The following EIF5B variants were observed in gnomAD, a reference collection of about 807,000 sequenced individuals.
The protein encoded by EIF5B is eukaryotic translation initiation factor 5B, also known as eIF-5B.
In EIF5B, 47 loss-of-function variants were observed where a neutral mutation model predicts 147.5. The observed-to-expected ratio is 0.32, with a 90% confidence interval of 0.25 to 0.41. The LOEUF is 0.41. Among genes scored for constraint, EIF5B ranks in the 10% least tolerant of loss-of-function variants. The pLI is 1.00. For missense variants in EIF5B, 1,064 were observed against 1,413.2 expected (o/e 0.75, Z 3.96); for synonymous variants, 455 against 456.2 (o/e 1.00, Z 0.03).
intron 7 of EIF5B, 101 bp from the exon 8 acceptor site, chr2:99,369,291 A>G (rs1488340109): frequency 9.8e-6 from 8 of 812,956 alleles, no homozygotes; most frequent in Non-Finnish European, 1.4e-5. Flanking sequence ...TAAAAAATAA[A>G]TAGGTTTACA....
Position 99,401,165 on chromosome 2 carries a change from C to T in EIF5B, c.*1751C>T. The T allele has an allele frequency of 1.3e-6, 1 of 785,730 alleles. No individual in the cohort carries two copies. The highest frequency in any genetic ancestry group is 1.9e-5 in the South Asian group (1 of 53,410). 48.7% of individuals were successfully genotyped at this position (785,730 alleles called of 1,614,324 possible). On this transcript the variant is annotated 3_prime_UTR_variant, in exon 24 of 24. Coordinates refer to ENST00000289371, the MANE Select transcript of EIF5B (RefSeq NM_015904.4). ...AAAATTATAAAAACTCCGAGCATTA[C>T]TATCATGCACTTTGCAAATACCTCA...
chr2:99,371,305 G>A (rs1043718807), intron 8 of EIF5B, among the ~76,000 whole-genome samples: 40 of 152,110 alleles, frequency 2.6e-4, no homozygotes, highest in African/African-American at 6.5e-4. Flanking sequence ...TGGCTAACAC[G>A]GTGAAACCCC....
intron 1 of EIF5B, chr2:99,338,427 G>A: frequency 1.0e-6 from 1 of 955,166 alleles, no homozygotes; most frequent in Non-Finnish European, 1.5e-6. Context: ...TTACACGTTC[G>A]TACACTACCC....
intron 12 of EIF5B, among the ~76,000 whole-genome samples, chr2:99,381,403 C>T (rs1042080010): frequency 6.6e-5 from 10 of 152,062 alleles, no homozygotes; most frequent in South Asian, 4.1e-4. Context: ...AACCAGAATG[C>T]GGATCTGAAA....
chr2:99,351,713 T>C (rs538922122), intron 1 of EIF5B, among the ~76,000 whole-genome samples: 1 of 152,334 alleles, frequency 6.6e-6, no homozygotes, highest in East Asian at 1.9e-4. Flanking sequence ...TTTGTTTGTT[T>C]TTGAGACGAA....
chr2:99,338,842 C>T (rs939853652), intron 1 of EIF5B, among the ~76,000 whole-genome samples: 18 of 150,796 alleles, frequency 1.2e-4, no homozygotes, highest in Non-Finnish European at 2.2e-4. Context: ...GTATAATGAG[C>T]CTTTATGTAT....
In EIF5B at chr2:99,364,318, A is replaced by G. The variant is rs1391122228; in HGVS notation, c.1185A>G (p.Lys395=). ...GAGAAAGGAAAAAGCAAAAAGAAAA[A>G]GAAAGAAAAGAACGCTTGAAAAAAG... The part of the protein sequence containing the change: ...EKRERKKQKE[K]ERKERLKKEG... The change falls in exon 6 of 24, where the codon AAA becomes AAG. Residue 395 remains lysine, a synonymous_variant. Coordinates refer to ENST00000289371, the MANE Select transcript of EIF5B (RefSeq NM_015904.4). The G allele has an allele frequency of 1.2e-6, 2 of 1,607,334 alleles. No individual in the cohort carries two copies. The highest frequency in any genetic ancestry group is 2.2e-5 in the South Asian group (2 of 89,394).
intron 18 of EIF5B, among the ~76,000 whole-genome samples, chr2:99,393,404 G>A (rs560433221): frequency 1.6e-4 from 24 of 152,222 alleles, no homozygotes; most frequent in African/African-American, 5.5e-4. Context: ...TACTTGGGAG[G>A]CTGAGGCAGG....
Position 99,361,826 on chromosome 2 carries a change from T to G in EIF5B, c.919+6T>G. 1 of 1,524,976 alleles carries G rather than the reference T, an allele frequency of 6.6e-7. No homozygotes were observed. Among genetic ancestry groups the G allele is most frequent in the Non-Finnish European group, 8.7e-7 (1 of 1,147,736 alleles). 94.5% of individuals were successfully genotyped at this position (1,524,976 alleles called of 1,614,324 possible). ...GACTCCCACAGCTGCAGAAGGTTGGTTAATACTTTAGAGGAAAGAGCAAAA... is the reference window on the plus strand; with the variant it reads ...GACTCCCACAGCTGCAGAAGGTTGGGTAATACTTTAGAGGAAAGAGCAAAA... On this transcript the variant is annotated splice_donor_region_variant and intron_variant, in intron 4 of 23. Coordinates refer to ENST00000289371, the MANE Select transcript of EIF5B (RefSeq NM_015904.4).
chr2:99,390,762 T>C, intron 17 of EIF5B, 57 bp downstream of exon 17: 1 of 1,514,300 alleles, frequency 6.6e-7, no homozygotes, highest in Non-Finnish European at 8.9e-7. Context: ...TTAGAAGTTC[T>C]GCTGAGATGG....
Position 99,389,762 on chromosome 2 carries a change from G to A in EIF5B, c.2316G>A (p.Val772=), listed in dbSNP as rs1217710458. 1 of 1,613,138 alleles carries A rather than the reference G, an allele frequency of 6.2e-7. No homozygotes were observed. The highest frequency in any genetic ancestry group is 8.5e-7 in the Non-Finnish European group (1 of 1,179,774). The change falls in exon 15 of 24, where the codon GTG becomes GTA. Residue 772 remains valine, a synonymous_variant. Coordinates refer to ENST00000289371, the MANE Select transcript of EIF5B (RefSeq NM_015904.4). ...YDWKKSPDSD[V]AATLKKQKKN... is the part of the protein sequence containing the mutation. Reference sequence around the variant, plus strand: ...GGAAAAAGAGTCCTGACTCTGATGTGGCTGCTACTTTAAAGAAGCAGAAAA... The same window carrying A: ...GGAAAAAGAGTCCTGACTCTGATGTAGCTGCTACTTTAAAGAAGCAGAAAA...
At position 99,337,545 on chromosome 2, in the gene EIF5B, T is replaced by G; in HGVS notation, c.-10T>G. 1 of 1,612,672 alleles carries G rather than the reference T, an allele frequency of 6.2e-7. No individual in the cohort carries two copies. The highest frequency in any genetic ancestry group is 8.5e-7 in the Non-Finnish European group (1 of 1,179,354). On this transcript the variant is annotated 5_prime_UTR_variant, in exon 1 of 24. Transcript: ENST00000289371. ...AGAGGGGCTGGGGCCACGAGCGCCATTGACAAGCAATGGGGAAGAAACAGA... is the reference window on the plus strand; with the variant it reads ...AGAGGGGCTGGGGCCACGAGCGCCAGTGACAAGCAATGGGGAAGAAACAGA...
At chr2:99,349,528 A>G (rs1448422498) in intron 1 of EIF5B, among the ~76,000 whole-genome samples, 1 of 152,226 alleles carries the variant, frequency 6.6e-6, no homozygotes, top group Non-Finnish European at 1.5e-5. Flanking sequence ...CATTGGTCTC[A>G]AGATGAAGTA....
At chr2:99,355,727 C>T (rs1656138929) in intron 1 of EIF5B, among the ~76,000 whole-genome samples, 1 of 151,320 alleles carries the variant, frequency 6.6e-6, no homozygotes. Flanking sequence ...ATTCTCCTGC[C>T]CCAGTCTCCC....
At chr2:99,345,754 G>A (rs938894427) in intron 1 of EIF5B, among the ~76,000 whole-genome samples, 3 of 151,942 alleles carry the variant, frequency 2.0e-5, no homozygotes, top group South Asian at 2.1e-4. Flanking sequence ...AGACCAGCCC[G>A]TGCAACGTGG....
In EIF5B at chr2:99,350,114, G is replaced by A. The variant is rs143309020; in HGVS notation, c.36-10122G>A. Among the ~76,000 whole-genome samples, 134 of 152,290 alleles carry A rather than the reference G, an allele frequency of 8.8e-4. 1 individual carries two copies. Among genetic ancestry groups the A allele is most frequent in the African/African-American group, 2.6e-3 (106 of 41,560 alleles). On this transcript the variant is annotated intron_variant, in intron 1 of 23. Transcript: ENST00000289371. ...AAGTTCATATGTGTTGTCACAAAAT[G>A]ACAGGATTTCATTCTTTTTTATGGA...
At position 99,399,667 on chromosome 2, in the gene EIF5B, A is replaced by C. The variant is rs1038831143; in HGVS notation, c.*253A>C. On this transcript the variant is annotated 3_prime_UTR_variant, in exon 24 of 24. Transcript: ENST00000289371. ...CCTCTCCCTTCCCCAACCCTTCTCTACTTGGCTGCTGTTTTAAAGTTTGCC... is the reference window on the plus strand; with the variant it reads ...CCTCTCCCTTCCCCAACCCTTCTCTCCTTGGCTGCTGTTTTAAAGTTTGCC... 25 of 385,692 alleles carry C rather than the reference A, an allele frequency of 6.5e-5. No homozygotes were observed. The highest frequency in any genetic ancestry group is 6.3e-4 in the East Asian group (13 of 20,596). The allele number at this position is 385,692 out of a possible 1,614,324, so 23.9% of individuals were successfully genotyped here.
intron 1 of EIF5B, among the ~76,000 whole-genome samples, chr2:99,344,953 A>G (rs559340300): frequency 6.6e-6 from 1 of 152,290 alleles, no homozygotes; most frequent in East Asian, 1.9e-4. Context: ...GAAATTATAT[A>G]ATGTATTATA....
intron 1 of EIF5B, among the ~76,000 whole-genome samples, chr2:99,351,687 G>T (rs1470745738): frequency 3.4e-5 from 5 of 148,954 alleles, no homozygotes; most frequent in Admixed American, 6.7e-5. Flanking sequence ...ATATCATTGT[G>T]TTTTTTTTTT....
Sources: allele counts gnomAD v4.1 joint callset (sites outside exome capture counted in the v4.1 genomes callset), GRCh38; gene constraint gnomAD v4.1.1; transcripts MANE v1.5; gene names NCBI Gene and HGNC (gene_info 2026-07-23, HGNC 2026-07-21).